Variants in TMPRSS6 observed in about 807,000 individuals in gnomAD.
TMPRSS6 encodes the protein transmembrane protease serine 6.
TMPRSS6 carries 67 observed loss-of-function variants against 101.5 expected under a neutral mutation model. The observed-to-expected ratio is 0.66, with a 90% CI of 0.54 to 0.81. TMPRSS6 has a LOEUF of 0.81. Ranked by LOEUF, TMPRSS6 falls within the 30% of genes least tolerant of loss-of-function variation. TMPRSS6 has a pLI of 0.00. For synonymous variants in TMPRSS6, 453 were observed against 464.9 expected, an observed-to-expected ratio of 0.97 and a Z score of 0.33; for missense variants, 1,034 against 1,088.7, an observed-to-expected ratio of 0.95 and a Z score of 0.71.
intron 10 of TMPRSS6, among the ~76,000 whole-genome samples, chr22:37,076,735 G>T (rs1927708432): frequency 6.6e-6 from 1 of 152,172 alleles, no homozygotes; most frequent in Admixed American, 6.5e-5. Flanking sequence ...GAACAGATGG[G>T]GACAGCTTCA....
intron 1 of TMPRSS6, among the ~76,000 whole-genome samples, chr22:37,107,421 G>A (rs1277963531): frequency 1.3e-5 from 2 of 151,560 alleles, no homozygotes; most frequent in Admixed American, 1.3e-4. Context: ...CCCATTCCCA[G>A]GGTCCAGCAC....
chr22:37,075,015 ACTCT>A (rs1041166459), intron 11 of TMPRSS6, 116 bp downstream of exon 11: 10 of 1,295,500 alleles, frequency 7.7e-6, no homozygotes, highest in African/African-American at 3.2e-5. Context: ...ACACACACAC[ACTCT>A]CTCTCTCCTT....
chr22:37,094,227 T>C (rs1020014563), intron 6 of TMPRSS6, among the ~76,000 whole-genome samples: 1 of 152,152 alleles, frequency 6.6e-6, no homozygotes, highest in African/African-American at 2.4e-5. Context: ...AGATGTTAAC[T>C]TTCAGAAGAC....
intron 11 of TMPRSS6, 37 bp downstream of exon 11, chr22:37,075,098 G>A (rs1927501371): frequency 6.2e-7 from 1 of 1,613,634 alleles, no homozygotes; most frequent in Non-Finnish European, 8.5e-7. Flanking sequence ...GAGGCAGCGA[G>A]TCACTGCAGG....
intron 2 of TMPRSS6, among the ~76,000 whole-genome samples, chr22:37,102,168 C>G (rs1381515739): frequency 5.9e-5 from 9 of 152,248 alleles, no homozygotes; most frequent in Non-Finnish European, 1.3e-4. Context: ...AGAGCACTAG[C>G]TATCCTTTGC....
intron 17 of TMPRSS6, 120 bp from the exon 18 acceptor site, chr22:37,066,358 A>G (rs1055078833): frequency 1.2e-5 from 13 of 1,078,450 alleles, no homozygotes; most frequent in African/African-American, 6.4e-5. Flanking sequence ...AGTCACGTTC[A>G]GTCTTAAAGC....
chr22:37,092,506 A>AT (rs1231332981), intron 6 of TMPRSS6, among the ~76,000 whole-genome samples: 114 of 137,706 alleles, frequency 8.3e-4, no homozygotes, highest in African/African-American at 2.8e-3. Flanking sequence ...TGTCCAGCTA[A>AT]TTTTTTTTTT....
At chr22:37,091,966 T>C (rs568496667) in intron 6 of TMPRSS6, among the ~76,000 whole-genome samples, 65 of 152,188 alleles carry the variant, frequency 4.3e-4, no homozygotes, top group Admixed American at 7.2e-4. Context: ...CAACAATGTC[T>C]GCCTAGGGAA....
At chr22:37,084,533 A>G (rs1023987008) in intron 9 of TMPRSS6, 129 bp from the exon 10 acceptor site, 1 of 837,026 alleles carries the variant, frequency 1.2e-6, no homozygotes, top group Non-Finnish European at 2.0e-6. Context: ...GTCACTCAAC[A>G]AACAGGCATT....
rs1246295865 is a variant in TMPRSS6 at position 37,068,987 on chromosome 22, C to A, written c.2113+86G>T. On this transcript the variant is annotated intron_variant, in intron 16 of 17. Coordinates refer to ENST00000676104, the MANE Select transcript of TMPRSS6 (RefSeq NM_001374504.1). ...CTATGGGGTGGAGCCCCGGGACCCC[C>A]AGCCCCGCCCTTCTCCAGGCCAGGT... 1.8e-5 allele frequency: 27 copies of A among 1,504,114 alleles called. No individual in the cohort carries two copies. The East Asian group carries it at 6.6e-4, about 37-fold the overall frequency. 93.2% of individuals were successfully genotyped at this position (1,504,114 alleles called of 1,614,324 possible).
At chr22:37,100,366 G>A (rs1339577504) in intron 2 of TMPRSS6, among the ~76,000 whole-genome samples, 2 of 152,256 alleles carry the variant, frequency 1.3e-5, no homozygotes, top group Admixed American at 6.5e-5. Flanking sequence ...GGCAGAGGCA[G>A]GGAGAGCATC....
intron 1 of TMPRSS6, among the ~76,000 whole-genome samples, chr22:37,108,455 G>T (rs1389807114): frequency 6.6e-6 from 1 of 152,180 alleles, no homozygotes; most frequent in African/African-American, 2.4e-5. Context: ...AATTGCCACA[G>T]GGGCCTGAAG....
chr22:37,070,768 G>C, intron 14 of TMPRSS6, 116 bp from the exon 15 acceptor site: 2 of 1,334,770 alleles, frequency 1.5e-6, no homozygotes, highest in East Asian at 4.6e-5. Context: ...AATGATGGAG[G>C]GGGAGAGACC....
intron 15 of TMPRSS6, 93 bp downstream of exon 15, chr22:37,070,391 C>T: frequency 6.5e-7 from 1 of 1,534,234 alleles, no homozygotes; most frequent in Non-Finnish European, 9.0e-7. Flanking sequence ...ACCCTTCCCT[C>T]TATCTGCAAA....
intron 2 of TMPRSS6, among the ~76,000 whole-genome samples, chr22:37,099,011 T>C (rs733655): frequency 0.27 from 40,969 of 152,080 alleles, 5,972 homozygotes; most frequent in African/African-American, 0.38. Flanking sequence ...TGCCTCCCCT[T>C]GTGAAGCTGA....
chr22:37,078,673 T>C (rs855786), intron 10 of TMPRSS6, among the ~76,000 whole-genome samples: 98,523 of 150,496 alleles, frequency 0.65, 34,250 homozygotes, highest in African/African-American at 0.9. Context: ...TCCTGCTCCT[T>C]TAGAAGGAGA....
At chr22:37,078,634 G>A (rs930924390) in intron 10 of TMPRSS6, among the ~76,000 whole-genome samples, 10 of 151,992 alleles carry the variant, frequency 6.6e-5, no homozygotes, top group Admixed American at 3.3e-4. Context: ...TCATTGAGTC[G>A]CGAGCTAATT....
chr22:37,066,471 C>T (rs1378103791), intron 17 of TMPRSS6, among the ~76,000 whole-genome samples: 1 of 152,238 alleles, frequency 6.6e-6, no homozygotes, highest in East Asian at 1.9e-4. Flanking sequence ...TCCCCACGCC[C>T]CCACTCTGCC....
At chr22:37,072,798 A>G (rs1927218224) in intron 13 of TMPRSS6, among the ~76,000 whole-genome samples, 1 of 122,242 alleles carries the variant, frequency 8.2e-6, no homozygotes, top group South Asian at 3.1e-4. Flanking sequence ...CGGATGGATG[A>G]TGGATGGATG....
Sources: allele counts gnomAD v4.1 joint callset (sites outside exome capture counted in the v4.1 genomes callset), GRCh38; gene constraint gnomAD v4.1.1; transcripts MANE v1.5; gene names NCBI Gene and HGNC (gene_info 2026-07-23, HGNC 2026-07-21).